The following DDAH1 variants were observed in gnomAD, a reference collection of about 807,000 sequenced individuals.
The protein encoded by DDAH1 is N(G),N(G)-dimethylarginine dimethylaminohydrolase 1.
A neutral mutation model predicts 28.8 loss-of-function variants in DDAH1; 19 were observed. The observed-to-expected ratio is 0.66, with a 90% CI of 0.46 to 0.97. The LOEUF (loss-of-function observed/expected upper bound fraction) is 0.97. Ranked by LOEUF, DDAH1 falls within the 50% of genes least tolerant of loss-of-function variation. The probability of loss-of-function intolerance (pLI) is 0.00; values close to 1 mark genes in which losing one functional copy is unlikely to be tolerated. For synonymous variants in DDAH1, 153 were observed against 154.4 expected, an observed-to-expected ratio of 0.99 and a Z score of 0.07; for missense variants, 326 against 375.9, an observed-to-expected ratio of 0.87 and a Z score of 1.10.
intron 1 of DDAH1, among the ~76,000 whole-genome samples, chr1:85,562,747 A>G (rs1050648561): frequency 2.0e-5 from 3 of 152,208 alleles, no homozygotes; most frequent in African/African-American, 7.2e-5. Context: ...TGAAGGTAGC[A>G]TGGCCCTGCT....
At chr1:85,471,264 G>A (rs1476974951) in intron 2 of DDAH1, among the ~76,000 whole-genome samples, 1 of 152,304 alleles carries the variant, frequency 6.6e-6, no homozygotes, top group Non-Finnish European at 1.5e-5. Context: ...TTCTGATAAT[G>A]CTGTTGCCTT....
intron 1 of DDAH1, among the ~76,000 whole-genome samples, chr1:85,497,117 G>A (rs1241971889): frequency 6.6e-6 from 1 of 152,184 alleles, no homozygotes; most frequent in African/African-American, 2.4e-5. Flanking sequence ...TGACAATTGT[G>A]TCTGCTTCTT....
intron 1 of DDAH1, among the ~76,000 whole-genome samples, chr1:85,559,623 G>A (rs185470999): frequency 8.7e-4 from 133 of 152,244 alleles, no homozygotes; most frequent in African/African-American, 3.2e-3. Flanking sequence ...AATGTGATGA[G>A]AAGTGAAAAT....
chr1:85,358,948 CCCACACACAT>C, intron 1 of DDAH1, 101 bp from the exon 2 acceptor site: 1 of 766,540 alleles, frequency 1.3e-6, no homozygotes. Context: ...CGTGCACACA[CCCACACACAT>C]CCACACTCAT....
chr1:85,433,318 G>T (rs530911110), intron 1 of DDAH1, among the ~76,000 whole-genome samples: 2 of 152,052 alleles, frequency 1.3e-5, no homozygotes, highest in Non-Finnish European at 2.9e-5. Context: ...AGCTTGGCAG[G>T]GGCGAGGAGA....
At chr1:85,467,608 A>G (rs1655431384), upstream of DDAH1, 1 of 152,232 alleles carries the variant, frequency 6.6e-6, no homozygotes, top group Admixed American at 6.5e-5. Context: ...AGTGGTCAAA[A>G]AGTGTTAGAA....
chr1:85,468,300 T>G (rs1171124823), upstream of DDAH1, among the ~76,000 whole-genome samples: 1 of 152,210 alleles, frequency 6.6e-6, no homozygotes, highest in Non-Finnish European at 1.5e-5. Flanking sequence ...CCAACTCTTC[T>G]ACATGTGGCA....
rs907584933 is a variant in DDAH1, at chr1:85,350,893, T to A, written c.478-359A>T. Among the ~76,000 whole-genome samples the A allele has an allele frequency of 2.6e-5, 4 of 152,160 alleles. No individual in the cohort carries two copies. The South Asian group carries it at 6.2e-4, about 24-fold the overall frequency. On this transcript the variant is annotated intron_variant, in intron 3 of 5. Transcript: ENST00000284031. ...GAGTTATATCCCTTCCTATGCAGTG[T>A]AGAGAGCCAATCTATTAATAATCAA...
chr1:85,400,163 C>CTTTCT (rs1299707941), intron 1 of DDAH1, among the ~76,000 whole-genome samples: 21 of 130,792 alleles, frequency 1.6e-4, no homozygotes, highest in African/African-American at 4.6e-4. Context: ...GCAGGAATTC[C>CTTTCT]TTTCTTTTCT....
At chr1:85,485,148 A>G (rs781756173) in intron 2 of DDAH1, among the ~76,000 whole-genome samples, 1 of 152,230 alleles carries the variant, frequency 6.6e-6, no homozygotes, top group Non-Finnish European at 1.5e-5. Flanking sequence ...TGCGGGTGCC[A>G]CAGAAAATAA....
intron 2 of DDAH1, among the ~76,000 whole-genome samples, chr1:85,474,143 A>G (rs1655714146): frequency 6.6e-6 from 1 of 152,180 alleles, no homozygotes; most frequent in African/African-American, 2.4e-5. Flanking sequence ...ATCAATCACC[A>G]TGTTTTGACC....
chr1:85,335,134 G>A (rs1464038472), intron 4 of DDAH1, among the ~76,000 whole-genome samples: 2 of 152,148 alleles, frequency 1.3e-5, no homozygotes, highest in East Asian at 3.9e-4. Context: ...GAATGAGGAA[G>A]AGAAAGCATT....
rs550778827 is a variant in DDAH1 at position 85,357,009 on chromosome 1, AAG to A, written c.403+1737_403+1738del. Among the ~76,000 whole-genome samples, 11 of 152,360 alleles carry A rather than the reference AAG, an allele frequency of 7.2e-5. No homozygotes were observed. The South Asian group carries it at 8.3e-4, about 11-fold the overall frequency. On this transcript the variant is annotated intron_variant, in intron 2 of 5. Coordinates refer to ENST00000284031, the MANE Select transcript of DDAH1 (RefSeq NM_012137.4). The stretch of plus-strand genomic sequence containing the variant: ...ATTGCATGGCTATGTTCTGATAAAA[AAG>A]AGTTATATTGTAAGGAAGTGTGATT...
intron 1 of DDAH1, among the ~76,000 whole-genome samples, chr1:85,574,660 A>G (rs546757266): frequency 3.0e-4 from 46 of 152,286 alleles, no homozygotes; most frequent in African/African-American, 1.1e-3. Context: ...CCTCTTTCTC[A>G]TGTCACCAGT....
At chr1:85,519,969 C>A (rs1374110974) in intron 1 of DDAH1, among the ~76,000 whole-genome samples, 1 of 98,022 alleles carries the variant, frequency 1.0e-5, no homozygotes, top group Non-Finnish European at 2.4e-5. Context: ...TCTTTTTTTT[C>A]CCCTTTATTT....
At chr1:85,442,905 C>G (rs1454938164) in intron 1 of DDAH1, among the ~76,000 whole-genome samples, 3 of 152,062 alleles carry the variant, frequency 2.0e-5, no homozygotes, top group African/African-American at 7.2e-5. Context: ...TGTTTAAGTT[C>G]TTTGTAGATT....
intron 1 of DDAH1, among the ~76,000 whole-genome samples, chr1:85,503,155 C>T (rs748124731): frequency 7.2e-5 from 11 of 151,910 alleles, no homozygotes; most frequent in Non-Finnish European, 1.5e-4. Context: ...GAGTTCCTTG[C>T]TTTAAAAAAG....
intron 1 of DDAH1, among the ~76,000 whole-genome samples, chr1:85,402,737 G>A (rs1253035781): frequency 2.0e-5 from 3 of 151,830 alleles, no homozygotes; most frequent in Non-Finnish European, 2.9e-5. Flanking sequence ...GTGAAACCCC[G>A]TCTCTACTAA....
chr1:85,528,633 C>A (rs1657953200), intron 1 of DDAH1, among the ~76,000 whole-genome samples: 1 of 152,092 alleles, frequency 6.6e-6, no homozygotes. Flanking sequence ...ACTTTTCAAA[C>A]TTAAAAATTA....
Sources: gnomAD v4.1 joint callset for allele counts (sites outside exome capture counted in the v4.1 genomes callset) on GRCh38, gnomAD v4.1.1 for gene constraint, MANE v1.5 for transcripts, NCBI Gene and HGNC (gene_info 2026-07-23, HGNC 2026-07-21) for gene names.